Variants in DHX57 observed in about 807,000 individuals in gnomAD.
DHX57 encodes the protein putative ATP-dependent RNA helicase DHX57.
Under a neutral mutation model 156.2 loss-of-function variants are expected in DHX57, and 105 were observed. The ratio of observed to expected loss-of-function variants is 0.67; its 90% confidence interval spans 0.57 to 0.79. The LOEUF (loss-of-function observed/expected upper bound fraction) is 0.79. Among genes scored for constraint, DHX57 ranks in the 30% least tolerant of loss-of-function variants. The pLI, the probability that DHX57 is intolerant of heterozygous loss-of-function variation, is 0.00. For synonymous variants in DHX57, 704 were observed against 595.6 expected, an observed-to-expected ratio of 1.18 and a Z score of -2.65; for missense variants, 1,847 against 1,661.9, an observed-to-expected ratio of 1.11 and a Z score of -1.94.
rs1363336822 is a variant in DHX57 at position 38,823,198 on chromosome 2, T to G, written c.3086A>C (p.His1029Pro). ...SVFSRLIEPP[H>P]TDSLRASKIR... ...TTTTGAGGCACGAAGAGAATCGGTG[T>G]GTGGAGGTTCAATGAGCCGAGAGAA... The change falls in exon 17 of 24, where the codon CAC (histidine) becomes CCC (proline). Residue 1029 changes from histidine (H) to proline (P), a missense_variant. By Grantham distance (77) the His-to-Pro change is moderately conservative (BLOSUM62 -2). Transcript: ENST00000457308. The G allele has an allele frequency of 6.2e-7, 1 of 1,614,134 alleles. No homozygotes were observed. The highest frequency in any genetic ancestry group is 1.7e-5 in the Admixed American group (1 of 60,006).
rs1004526810 is a variant in DHX57, at chr2:38,843,071, C to T, written c.2359G>A (p.Asp787Asn). ...TCTGGCACTGCATCTTTGACAGAAT[C>T]CTGATCCTGGAGGTGAAGGGAGAGC... ...LRLSLHLQDQDSVKDAVPDQQ... is the reference protein window; with the variant it reads ...LRLSLHLQDQNSVKDAVPDQQ... The change falls in exon 12 of 24, where the codon GAT becomes AAT. Residue 787 changes from aspartate (D) to asparagine (N), a missense_variant. Coordinates refer to ENST00000457308, the MANE Select transcript of DHX57 (RefSeq NM_198963.3). 3 of 1,614,214 alleles carry T rather than the reference C, an allele frequency of 1.9e-6. No individual in the cohort carries two copies. Among genetic ancestry groups the T allele is most frequent in the Non-Finnish European group, 2.5e-6 (3 of 1,180,024 alleles).
At chr2:38,816,065 A>G (rs1358423477) in intron 19 of DHX57, 2 of 462,706 alleles carry the variant, frequency 4.3e-6, no homozygotes, top group South Asian at 1.6e-5. Flanking sequence ...TCCTACTTGC[A>G]TTTTTGCTCC....
At chr2:38,818,684 G>T (rs1670665757) in intron 19 of DHX57, among the ~76,000 whole-genome samples, 193 bp downstream of exon 19, 1 of 152,186 alleles carries the variant, frequency 6.6e-6, no homozygotes, top group Non-Finnish European at 1.5e-5. Context: ...GGAAAAGGAG[G>T]TCAGTGGAAA....
At chr2:38,826,495 C>T in intron 15 of DHX57, 21 bp downstream of exon 15, 4 of 1,608,678 alleles carry the variant, frequency 2.5e-6, no homozygotes, top group Non-Finnish European at 3.4e-6. Context: ...CCCTCTCTTA[C>T]ATCACCACAA....
At chr2:38,823,323 C>A in intron 16 of DHX57, 54 bp from the exon 17 acceptor site, 1 of 1,512,614 alleles carries the variant, frequency 6.6e-7, no homozygotes, top group East Asian at 2.3e-5. Context: ...TGGGATGACA[C>A]AGAGGAATAA....
rs973064080 is a variant in DHX57, at chr2:38,813,740, T to C, written c.3681+81A>G. 2.7e-6 allele frequency: 4 copies of C among 1,461,254 alleles called. No individual in the cohort carries two copies. In the Admixed American group the frequency reaches 6.8e-5, roughly 25 times the overall value. 90.5% of individuals were successfully genotyped at this position (1,461,254 alleles called of 1,614,324 possible). A position where few individuals can be genotyped will look rare whatever the true frequency, so the allele number is the denominator to read the frequency against. ...ATGCGTATATATCTCTTTAAGATGA[T>C]TAATATGCACATCTTAACTTACATC... On this transcript the variant is annotated intron_variant, in intron 21 of 23. Coordinates refer to ENST00000457308, the MANE Select transcript of DHX57 (RefSeq NM_198963.3).
chr2:38,799,085 C>T (rs866880819), intron 23 of DHX57, among the ~76,000 whole-genome samples: 23 of 151,874 alleles, frequency 1.5e-4, no homozygotes, highest in African/African-American at 4.6e-4. Flanking sequence ...TAGAGAGGGC[C>T]GGGCCCGGTG....
Position 38,823,182 on chromosome 2 carries a change from A to T in DHX57, c.3102T>A (p.Arg1034=). 1.2e-6 allele frequency: 2 copies of T among 1,614,204 alleles called. No homozygotes were observed. The highest frequency in any genetic ancestry group is 1.7e-6 in the Non-Finnish European group (2 of 1,180,046). The change falls in exon 17 of 24, where the codon CGT becomes CGA. Residue 1034 remains arginine, a synonymous_variant. Transcript: ENST00000457308. Reference sequence around the variant, plus strand: ...AGTCTCGTAATCGTATTTTTGAGGCACGAAGAGAATCGGTGTGTGGAGGTT... The same window carrying T: ...AGTCTCGTAATCGTATTTTTGAGGCTCGAAGAGAATCGGTGTGTGGAGGTT... The part of the protein sequence containing the change: ...LIEPPHTDSL[R]ASKIRLRDLG...
chr2:38,825,610 T>G (rs777338702), intron 16 of DHX57, among the ~76,000 whole-genome samples: 1 of 152,152 alleles, frequency 6.6e-6, no homozygotes, highest in Non-Finnish European at 1.5e-5. Context: ...GCCCTACATA[T>G]GTACTCTTAA....
intron 9 of DHX57, among the ~76,000 whole-genome samples, chr2:38,850,798 G>A (rs1163203431): frequency 6.6e-6 from 1 of 152,022 alleles, no homozygotes; most frequent in East Asian, 1.9e-4. Context: ...AATTCAGCTG[G>A]GTGTGGTGGC....
Position 38,868,361 on chromosome 2 carries a change from A to G in DHX57, c.45T>C (p.Gly15=), listed in dbSNP as rs770339884. Residue 15 remains glycine, a synonymous_variant, in exon 2 of 24, where the codon GGT becomes GGC. Transcript: ENST00000457308. Reference sequence around the variant, plus strand: ...TTCCTCCTCTAGAAGACCCTTTTCCACCTCCTTTGCCTGGCTTGCCTTTTC... The same window carrying G: ...TTCCTCCTCTAGAAGACCCTTTTCCGCCTCCTTTGCCTGGCTTGCCTTTTC... ...VRRKGKPGKG[G]GKGSSRGGRG... is the part of the protein sequence containing the mutation. 5 of 1,612,072 alleles carry G rather than the reference A, an allele frequency of 3.1e-6. No individual in the cohort carries two copies. The highest frequency in any genetic ancestry group is 1.6e-4 in the Middle Eastern group (1 of 6,084).
At chr2:38,799,478 C>T (rs1193652736) in intron 23 of DHX57, among the ~76,000 whole-genome samples, 5 of 148,396 alleles carry the variant, frequency 3.4e-5, no homozygotes, top group African/African-American at 9.9e-5. Context: ...TAGGCTGGGC[C>T]GGGTGGCTCA....
intron 16 of DHX57, among the ~76,000 whole-genome samples, chr2:38,823,831 G>A (rs1286508733): frequency 6.6e-6 from 1 of 152,120 alleles, no homozygotes; most frequent in Non-Finnish European, 1.5e-5. Flanking sequence ...GGCCAACATG[G>A]TGAAACCCAG....
intron 16 of DHX57, among the ~76,000 whole-genome samples, chr2:38,824,214 G>A (rs1345389509): frequency 6.6e-6 from 1 of 152,154 alleles, no homozygotes; most frequent in Non-Finnish European, 1.5e-5. Flanking sequence ...CAACAGTATG[G>A]ATGAAACCTT....
chr2:38,803,280 G>T (rs546387350), intron 22 of DHX57, among the ~76,000 whole-genome samples: 6 of 151,784 alleles, frequency 4.0e-5, no homozygotes, highest in African/African-American at 1.4e-4. Flanking sequence ...GCCTGGCCCA[G>T]ATGGAATTCT....
At chr2:38,805,124 A>C (rs1395752969) in intron 22 of DHX57, among the ~76,000 whole-genome samples, 1 of 152,144 alleles carries the variant, frequency 6.6e-6, no homozygotes, top group Non-Finnish European at 1.5e-5. Flanking sequence ...TTCTTTCTTG[A>C]GAAACATGCA....
chr2:38,826,384 C>A, intron 15 of DHX57, 132 bp downstream of exon 15: 1 of 1,037,866 alleles, frequency 9.6e-7, no homozygotes, highest in Admixed American at 2.5e-5. Context: ...TTCACACATC[C>A]ACGTACAGTT....
intron 13 of DHX57, among the ~76,000 whole-genome samples, chr2:38,832,551 ATT>A (rs36089129): frequency 1.5e-4 from 13 of 89,404 alleles, no homozygotes; most frequent in Middle Eastern, 7.5e-3. Flanking sequence ...ATATATATAT[ATT>A]TTTTTTTTTA....
intron 9 of DHX57, among the ~76,000 whole-genome samples, chr2:38,851,723 C>A (rs1349690634): frequency 1.3e-5 from 2 of 152,090 alleles, no homozygotes; most frequent in African/African-American, 2.4e-5. Flanking sequence ...TTATAGAATC[C>A]AAAGCTACTC....
Sources: gnomAD v4.1 joint callset for allele counts (sites outside exome capture counted in the v4.1 genomes callset) on GRCh38, gnomAD v4.1.1 for gene constraint, MANE v1.5 for transcripts, NCBI Gene and HGNC (gene_info 2026-07-23, HGNC 2026-07-21) for gene names.